The following PDE4B variants were observed in gnomAD, a reference collection of about 807,000 sequenced individuals.
PDE4B encodes phosphodiesterase 4B.
PDE4B carries 20 observed loss-of-function variants against 82.2 expected under a neutral mutation model. That is an observed-to-expected ratio of 0.24 (90% CI 0.17 to 0.35). The LOEUF (loss-of-function observed/expected upper bound fraction) is 0.35, where lower values mean the gene tolerates loss of function less well. Among genes scored for constraint, PDE4B ranks in the 10% least tolerant of loss-of-function variants. The pLI is 1.00. For missense variants in PDE4B, 655 were observed against 907.2 expected, an observed-to-expected ratio of 0.72 and a Z score of 3.57; for synonymous variants, 320 against 318.9, an observed-to-expected ratio of 1.00 and a Z score of -0.04.
chr1:66,005,979 T>A (rs768358215), intron 3 of PDE4B, among the ~76,000 whole-genome samples: 3 of 152,158 alleles, frequency 2.0e-5, no homozygotes, highest in Non-Finnish European at 4.4e-5. Flanking sequence ...GAATATTCAA[T>A]ACCAGTGTTC....
chr1:66,130,518 G>T (rs562364083), intron 3 of PDE4B, among the ~76,000 whole-genome samples: 1 of 152,048 alleles, frequency 6.6e-6, no homozygotes, highest in Non-Finnish European at 1.5e-5. Flanking sequence ...CTTAAGGACC[G>T]AACTACACTC....
chr1:66,190,697 T>C (rs921565557), intron 3 of PDE4B, among the ~76,000 whole-genome samples: 1 of 152,284 alleles, frequency 6.6e-6, no homozygotes, highest in Middle Eastern at 3.4e-3. Flanking sequence ...GAGTGCAGTA[T>C]TAGGGTGGGA....
intron 3 of PDE4B, among the ~76,000 whole-genome samples, chr1:66,098,855 T>C (rs1271100215): frequency 1.3e-5 from 2 of 152,140 alleles, no homozygotes; most frequent in Non-Finnish European, 2.9e-5. Context: ...TAGCTTTCAC[T>C]AAGGCCATAC....
intron 3 of PDE4B, among the ~76,000 whole-genome samples, chr1:66,121,078 G>A (rs1645699763): frequency 6.6e-6 from 1 of 152,262 alleles, no homozygotes; most frequent in African/African-American, 2.4e-5. Context: ...GTACCATGAG[G>A]TCCTTAAGGA....
At chr1:66,370,150 C>CAAAAAAAAAAA (rs752920376) in intron 16 of PDE4B, among the ~76,000 whole-genome samples, 4 of 28,654 alleles carry the variant, frequency 1.4e-4, no homozygotes, top group Admixed American at 9.1e-4. Context: ...GACTCTATCT[C>CAAAAAAAAAAA]AAAAAAAAAA....
intron 7 of PDE4B, among the ~76,000 whole-genome samples, chr1:66,323,538 A>G (rs1659553353): frequency 6.6e-6 from 1 of 152,194 alleles, no homozygotes; most frequent in African/African-American, 2.4e-5. Context: ...TGCCTACAAC[A>G]TAATAGGCAC....
chr1:66,368,050 T>C lies in PDE4B; in HGVS notation c.1647T>C (p.Tyr549=). The change falls in exon 15 of 17, where the codon TAT becomes TAC. Residue 549 remains tyrosine, a synonymous_variant. Coordinates refer to ENST00000341517, the MANE Select transcript of PDE4B (RefSeq NM_002600.4). ...CAGGCGTTCTTCTCCTAGACAACTATACCGATCGCATTCAGGTATTTGAGG... is the reference window on the plus strand; with the variant it reads ...CAGGCGTTCTTCTCCTAGACAACTACACCGATCGCATTCAGGTATTTGAGG... The part of the protein sequence containing the change: ...TSSGVLLLDN[Y]TDRIQVLRNM... 6.2e-7 allele frequency: 1 copy of C among 1,613,778 alleles called. No individual in the cohort carries two copies. Among genetic ancestry groups the C allele is most frequent in the Non-Finnish European group, 8.5e-7 (1 of 1,179,790 alleles).
chr1:66,085,110 G>T (rs1205391027), intron 3 of PDE4B, among the ~76,000 whole-genome samples: 1 of 152,144 alleles, frequency 6.6e-6, no homozygotes, highest in African/African-American at 2.4e-5. Flanking sequence ...CCAGTGTGTA[G>T]AACGGAATCG....
intron 3 of PDE4B, among the ~76,000 whole-genome samples, chr1:66,243,137 T>C (rs1169016190): frequency 1.3e-5 from 2 of 152,224 alleles, no homozygotes; most frequent in Non-Finnish European, 2.9e-5. Context: ...CAGTGCTTTC[T>C]AAAAAATGTA....
At chr1:66,368,204 C>A in intron 15 of PDE4B, 139 bp downstream of exon 15, 1 of 746,012 alleles carries the variant, frequency 1.3e-6, no homozygotes. Flanking sequence ...ATTTTAAGAA[C>A]AAGCTAAGGA....
intron 3 of PDE4B, among the ~76,000 whole-genome samples, chr1:66,128,063 T>G (rs944974508): frequency 1.8e-4 from 27 of 152,210 alleles, no homozygotes; most frequent in Admixed American, 2.0e-4. Flanking sequence ...TTATTGAGCA[T>G]TATTTCTAAT....
intron 8 of PDE4B, chr1:66,355,130 T>C (rs1662136600): frequency 9.4e-6 from 4 of 423,778 alleles, no homozygotes; most frequent in Non-Finnish European, 1.2e-5. Flanking sequence ...TGCTTCTTTT[T>C]TTTTCTTTTT....
At chr1:66,300,917 G>A (rs1429835407) in intron 7 of PDE4B, among the ~76,000 whole-genome samples, 2 of 152,032 alleles carry the variant, frequency 1.3e-5, no homozygotes, top group Non-Finnish European at 2.9e-5. Context: ...CCCAAACATA[G>A]CATTACTGAT....
intron 7 of PDE4B, among the ~76,000 whole-genome samples, chr1:66,321,793 G>C (rs1659422379): frequency 6.6e-6 from 1 of 152,138 alleles, no homozygotes; most frequent in South Asian, 2.1e-4. Context: ...AGCTACCACT[G>C]ACTTTCTTCA....
chr1:66,313,350 G>A (rs1369809232), intron 7 of PDE4B, among the ~76,000 whole-genome samples: 2 of 152,196 alleles, frequency 1.3e-5, no homozygotes, highest in Non-Finnish European at 2.9e-5. Flanking sequence ...GACTGTAAGT[G>A]CCTCAGTGGC....
intron 3 of PDE4B, among the ~76,000 whole-genome samples, chr1:65,921,061 C>T (rs1282731323): frequency 1.4e-5 from 2 of 147,502 alleles, no homozygotes; most frequent in South Asian, 2.2e-4. Context: ...CTCCGCCTCC[C>T]GGGTTCACGC....
At chr1:66,058,048 A>G (rs2100885548) in intron 3 of PDE4B, among the ~76,000 whole-genome samples, 1 of 152,336 alleles carries the variant, frequency 6.6e-6, no homozygotes, top group South Asian at 2.1e-4. Flanking sequence ...GTTACTTCCT[A>G]GATACAATGG....
intron 3 of PDE4B, among the ~76,000 whole-genome samples, chr1:66,179,106 C>T (rs543257274): frequency 6.6e-6 from 1 of 152,284 alleles, no homozygotes; most frequent in East Asian, 1.9e-4. Context: ...CCTACCTCGG[C>T]CTCCCAAAGT....
intron 3 of PDE4B, among the ~76,000 whole-genome samples, chr1:66,233,694 A>ATG (rs140691370): frequency 0.11 from 16,128 of 151,002 alleles, 994 homozygotes; most frequent in African/African-American, 0.13. Flanking sequence ...ATGTAAATAT[A>ATG]TGTGTGTGTG....
Sources: allele counts gnomAD v4.1 joint callset (sites outside exome capture counted in the v4.1 genomes callset), GRCh38; gene constraint gnomAD v4.1.1; transcripts MANE v1.5; gene names NCBI Gene and HGNC (gene_info 2026-07-23, HGNC 2026-07-21).